Variants in WDPCP observed in about 807,000 individuals in gnomAD.
The protein encoded by WDPCP is WD repeat-containing and planar cell polarity effector protein fritz homolog.
In WDPCP, 71 loss-of-function variants were observed where a neutral mutation model predicts 93.1. The ratio of observed to expected loss-of-function variants is 0.76; its 90% CI spans 0.63 to 0.93. The LOEUF (loss-of-function observed/expected upper bound fraction) is 0.93, where lower values mean the gene tolerates loss of function less well. Ranked by LOEUF, WDPCP falls within the 40% of genes least tolerant of loss-of-function variation. WDPCP has a pLI of 0.00. For synonymous variants in WDPCP, 315 were observed against 315.0 expected, an observed-to-expected ratio of 1.00 and a Z score of 0.00; for missense variants, 844 against 887.4, an observed-to-expected ratio of 0.95 and a Z score of 0.62.
At chr2:63,241,866 G>T (rs1323726329) in intron 14 of WDPCP, among the ~76,000 whole-genome samples, 1 of 152,126 alleles carries the variant, frequency 6.6e-6, no homozygotes, top group Non-Finnish European at 1.5e-5. Context: ...CAAGTGCTGG[G>T]ATGACATGTG....
At chr2:63,342,639 T>C (rs926701115) in intron 12 of WDPCP, among the ~76,000 whole-genome samples, 22 of 152,182 alleles carry the variant, frequency 1.4e-4, no homozygotes, top group Admixed American at 1.0e-3. Context: ...ATACTTTGCT[T>C]CTCTATAGCT....
intron 2 of WDPCP, among the ~76,000 whole-genome samples, chr2:63,782,532 C>T (rs1670409944): frequency 6.6e-6 from 1 of 152,128 alleles, no homozygotes; most frequent in African/African-American, 2.4e-5. Flanking sequence ...CAAGAGAAGA[C>T]ATCCAAATGG....
At chr2:63,286,091 G>T (rs995893267) in intron 13 of WDPCP, among the ~76,000 whole-genome samples, 1 of 151,700 alleles carries the variant, frequency 6.6e-6, no homozygotes, top group East Asian at 1.9e-4. Flanking sequence ...CTGCAGCCTC[G>T]AACTCTTAGG....
intron 3 of WDPCP, among the ~76,000 whole-genome samples, chr2:63,598,524 A>G (rs926237105): frequency 2.0e-5 from 3 of 152,142 alleles, no homozygotes; most frequent in Non-Finnish European, 4.4e-5. Context: ...ATTTCCATAT[A>G]CTTTCCTATC....
At chr2:63,695,858 C>T in intron 2 of WDPCP, among the ~76,000 whole-genome samples, 1 of 152,130 alleles carries the variant, frequency 6.6e-6, no homozygotes, top group South Asian at 2.1e-4. Flanking sequence ...AAAGTATAAA[C>T]TAGTTTTGCT....
intron 14 of WDPCP, among the ~76,000 whole-genome samples, chr2:63,247,757 C>T (rs531413367): frequency 6.6e-6 from 1 of 151,226 alleles, no homozygotes; most frequent in South Asian, 2.1e-4. Context: ...GAACAGTTAA[C>T]CCGTAATTAC....
In WDPCP at chr2:63,205,435, A is replaced by G. The variant is rs535627766; in HGVS notation, c.1916-30603T>C. ...TTTTGGTAGTATGGACATTTTATCA[A>G]TATTGATTCTTCCAATCCATGAACA... is the stretch of plus-strand genomic sequence containing the variant. On this transcript the variant is annotated intron_variant, in intron 14 of 17. Coordinates refer to ENST00000272321, the MANE Select transcript of WDPCP (RefSeq NM_015910.7). Among the ~76,000 whole-genome samples, 9 of 152,274 alleles carry G rather than the reference A, an allele frequency of 5.9e-5. No individual in the cohort carries two copies. In the South Asian group the frequency reaches 1.7e-3, roughly 28 times the overall value.
At chr2:63,343,276 G>A (rs1436654912) in intron 12 of WDPCP, among the ~76,000 whole-genome samples, 5 of 150,632 alleles carry the variant, frequency 3.3e-5, no homozygotes, top group Admixed American at 2.7e-4. Context: ...CCAAAGTGCT[G>A]GGATTACAGG....
chr2:63,755,049 G>T (rs929297250), intron 2 of WDPCP, among the ~76,000 whole-genome samples: 8 of 152,144 alleles, frequency 5.3e-5, no homozygotes, highest in Non-Finnish European at 1.0e-4. Flanking sequence ...TGACACTCAG[G>T]CCTCTTTATA....
intron 12 of WDPCP, among the ~76,000 whole-genome samples, chr2:63,327,020 ACCTAACAGGTTT>A (rs1687609491): frequency 6.6e-6 from 1 of 152,160 alleles, no homozygotes; most frequent in Admixed American, 6.5e-5. Flanking sequence ...AAAATCCTTA[ACCTAACAGGTTT>A]CCTAACAGGG....
At chr2:63,443,778 A>G (rs1003856856) in intron 6 of WDPCP, among the ~76,000 whole-genome samples, 1 of 152,220 alleles carries the variant, frequency 6.6e-6, no homozygotes, top group Non-Finnish European at 1.5e-5. Flanking sequence ...ATAAGTGGGC[A>G]GACTTGAGAT....
chr2:63,446,534 G>C (rs973469654), intron 6 of WDPCP, among the ~76,000 whole-genome samples: 1 of 152,138 alleles, frequency 6.6e-6, no homozygotes, highest in African/African-American at 2.4e-5. Flanking sequence ...AGGCAGATTT[G>C]GAAACTTCCC....
At chr2:63,533,294 G>A (rs1704004968) in intron 1 of WDPCP, among the ~76,000 whole-genome samples, 2 of 152,100 alleles carry the variant, frequency 1.3e-5, no homozygotes, top group Admixed American at 1.3e-4. Context: ...ATATTAGACA[G>A]ATCGATGAGA....
intron 2 of WDPCP, among the ~76,000 whole-genome samples, chr2:63,806,145 G>A (rs140909677): frequency 1.2e-3 from 177 of 152,176 alleles, no homozygotes; most frequent in Middle Eastern, 0.01. Context: ...GAAAAGAAAT[G>A]TAATCTATCA....
chr2:63,346,987 G>A (rs1689237590), intron 12 of WDPCP, among the ~76,000 whole-genome samples: 1 of 152,144 alleles, frequency 6.6e-6, no homozygotes, highest in Non-Finnish European at 1.5e-5. Context: ...TCTATGGCAA[G>A]AGGGTCAGTC....
At chr2:63,839,779 T>C in the WDPCP span, among the ~76,000 whole-genome samples, 2 of 152,206 alleles carry the variant, frequency 1.3e-5, no homozygotes, top group African/African-American at 4.8e-5. Flanking sequence ...CCAAATGCTG[T>C]TATTAAACTG....
intron 1 of WDPCP, among the ~76,000 whole-genome samples, chr2:63,574,707 G>A (rs1016247096): frequency 1.8e-4 from 28 of 152,086 alleles, no homozygotes; most frequent in African/African-American, 6.3e-4. Context: ...AAAAAAAAAT[G>A]TAAAAGACTG....
At chr2:63,332,502 G>A (rs1223573485) in intron 12 of WDPCP, among the ~76,000 whole-genome samples, 1 of 152,026 alleles carries the variant, frequency 6.6e-6, no homozygotes, top group Non-Finnish European at 1.5e-5. Context: ...GTTGAACATT[G>A]TTCATGTGCT....
intron 14 of WDPCP, among the ~76,000 whole-genome samples, chr2:63,189,650 T>C (rs1409732464): frequency 4.6e-5 from 7 of 152,262 alleles, no homozygotes; most frequent in Admixed American, 3.3e-4. Flanking sequence ...ATTGTACTTA[T>C]TCTCACCTTG....
Sources: allele counts gnomAD v4.1 joint callset (sites outside exome capture counted in the v4.1 genomes callset), GRCh38; gene constraint gnomAD v4.1.1; transcripts MANE v1.5; gene names NCBI Gene and HGNC (gene_info 2026-07-23, HGNC 2026-07-21).